The following FUT8 variants were observed in gnomAD, a reference collection of about 807,000 sequenced individuals.
FUT8 encodes the protein fucosyltransferase 8, also known as alpha-(1,6)-fucosyltransferase.
FUT8 carries 29 observed loss-of-function variants against 71.3 expected under a neutral mutation model. That is an observed-to-expected ratio of 0.41 (90% CI 0.30 to 0.55). FUT8 has a LOEUF of 0.55. Ranked by LOEUF, FUT8 falls within the 20% of genes least tolerant of loss-of-function variation. FUT8 has a pLI of 0.34. For missense variants in FUT8, 544 were observed against 702.1 expected (o/e 0.77, Z 2.55); for synonymous variants, 254 against 239.3 (o/e 1.06, Z -0.57).
At chr14:65,683,730 A>G (rs58248738) in intron 7 of FUT8, among the ~76,000 whole-genome samples, 1 of 152,148 alleles carries the variant, frequency 6.6e-6, no homozygotes, top group Non-Finnish European at 1.5e-5. Flanking sequence ...GACACCAAAA[A>G]TAAAAGCAGA....
the FUT8 span, among the ~76,000 whole-genome samples, chr14:65,385,260 C>T: frequency 6.6e-6 from 1 of 152,092 alleles, no homozygotes; most frequent in Non-Finnish European, 1.5e-5. Context: ...CTCACTGATC[C>T]TGGCAAGGGT....
chr14:65,414,026 G>A (rs1428252235), intron 1 of FUT8, among the ~76,000 whole-genome samples: 1 of 152,040 alleles, frequency 6.6e-6, no homozygotes, highest in East Asian at 1.9e-4. Flanking sequence ...ATAGATTGAG[G>A]CCTTGGTTAA....
chr14:65,366,706 C>T, the FUT8 span, among the ~76,000 whole-genome samples: 4 of 152,104 alleles, frequency 2.6e-5, no homozygotes, highest in Admixed American at 1.3e-4. Context: ...ATCTTAGAGC[C>T]CTGGGAAATG....
chr14:65,605,951 C>A (rs1888561216), intron 3 of FUT8, among the ~76,000 whole-genome samples: 1 of 151,746 alleles, frequency 6.6e-6, no homozygotes, highest in South Asian at 2.1e-4. Flanking sequence ...TTGCCTTTTT[C>A]TTACAGATTT....
At chr14:65,532,951 G>T (rs1334341740) in intron 2 of FUT8, among the ~76,000 whole-genome samples, 1 of 152,118 alleles carries the variant, frequency 6.6e-6, no homozygotes, top group Non-Finnish European at 1.5e-5. Context: ...TTGTAGATAT[G>T]CAGTCTTATT....
chr14:65,412,151 G>C (rs2065137786), upstream of FUT8: 2 of 456,610 alleles, frequency 4.4e-6, no homozygotes, highest in Admixed American at 4.7e-5. Flanking sequence ...TTCTCTTCGA[G>C]TGAATGTGGA....
At chr14:65,390,264 A>C in the FUT8 span, among the ~76,000 whole-genome samples, 1 of 150,376 alleles carries the variant, frequency 6.6e-6, no homozygotes, top group Non-Finnish European at 1.5e-5. Context: ...TGGAGGTTGC[A>C]TTGAGCTGAG....
intron 1 of FUT8, among the ~76,000 whole-genome samples, chr14:65,452,541 T>TG (rs918440107): frequency 2.0e-5 from 3 of 152,096 alleles, no homozygotes; most frequent in African/African-American, 4.8e-5. Flanking sequence ...GCTGGGAGAT[T>TG]GGGGGGCCAA....
At chr14:65,545,832 T>G (rs1416940772) in intron 2 of FUT8, among the ~76,000 whole-genome samples, 2 of 151,834 alleles carry the variant, frequency 1.3e-5, no homozygotes, top group African/African-American at 2.4e-5. Context: ...TGATTCTTAT[T>G]GTCTGAAATT....
chr14:65,515,541 CTA>C (rs1882657632), intron 2 of FUT8, among the ~76,000 whole-genome samples: 1 of 151,356 alleles, frequency 6.6e-6, no homozygotes, highest in South Asian at 2.1e-4. Flanking sequence ...ATTGTAAAAT[CTA>C]CTGAAAATTT....
intron 2 of FUT8, among the ~76,000 whole-genome samples, chr14:65,523,814 C>A (rs1873309588): frequency 6.6e-6 from 1 of 152,160 alleles, no homozygotes; most frequent in Non-Finnish European, 1.5e-5. Flanking sequence ...TTCCCAGCAC[C>A]ATTTATTAAA....
At chr14:65,512,544 T>G (rs951351671) in intron 2 of FUT8, among the ~76,000 whole-genome samples, 1 of 152,176 alleles carries the variant, frequency 6.6e-6, no homozygotes, top group African/African-American at 2.4e-5. Context: ...TGCATGACTT[T>G]ACTTTGTATG....
rs79552627 is a variant in FUT8 at position 65,482,862 on chromosome 14, G to T, written c.-228+27144G>T. ...CACTGCAGAGAAGTTTTGCTTGTTC[G>T]TTTCTGTGTACTTGCTTAGTGGACT... On this transcript the variant is annotated intron_variant, in intron 2 of 10. Transcript: ENST00000673929. Among the ~76,000 whole-genome samples the T allele has an allele frequency of 5.7e-3, 872 of 152,182 alleles. 31 individuals are homozygous for T. In the East Asian group the frequency reaches 0.093, roughly 16 times the overall value.
At chr14:65,506,974 C>T (rs2066745883) in intron 2 of FUT8, among the ~76,000 whole-genome samples, 1 of 152,194 alleles carries the variant, frequency 6.6e-6, no homozygotes, top group African/African-American at 2.4e-5. Context: ...TGTTTACAGA[C>T]TCCCTGGAGG....
chr14:65,462,022 CA>C (rs1306324491), intron 2 of FUT8, among the ~76,000 whole-genome samples: 1 of 152,112 alleles, frequency 6.6e-6, no homozygotes, highest in Non-Finnish European at 1.5e-5. Context: ...GGGTTTGTTT[CA>C]ATTTCCTCAT....
rs191458519 is a variant in FUT8, at chr14:65,479,976, A to G, written c.-228+24258A>G. Among the ~76,000 whole-genome samples, 257 of 151,894 alleles carry G rather than the reference A, an allele frequency of 1.7e-3. 3 individuals carry two copies. Among genetic ancestry groups the G allele is most frequent in the Non-Finnish European group, 4.6e-4 (31 of 67,906 alleles). ...ATTTTCTTACATGAAGAAACCAAATATTTTGCTGCTATCCTTTGGAAACTT... is the reference window on the plus strand; with the variant it reads ...ATTTTCTTACATGAAGAAACCAAATGTTTTGCTGCTATCCTTTGGAAACTT... On this transcript the variant is annotated intron_variant, in intron 2 of 10. Transcript: ENST00000673929.
At chr14:65,545,984 T>C (rs1884965558) in intron 2 of FUT8, among the ~76,000 whole-genome samples, 1 of 151,898 alleles carries the variant, frequency 6.6e-6, no homozygotes, top group African/African-American at 2.4e-5. Context: ...GAAACTTAAA[T>C]GCAAGGACAT....
In FUT8 at chr14:65,413,809, T is replaced by G. The variant is rs2065178674; in HGVS notation, c.-326+595T>G. Among the ~76,000 whole-genome samples, 1 of 152,158 alleles carries G rather than the reference T, an allele frequency of 6.6e-6. No individual in the cohort carries two copies. The highest frequency in any genetic ancestry group is 1.9e-4 in the East Asian group (1 of 5,196). ...GAGCTGGCGGCTTTTGAGTATCAACTTATTTGGGAAGGTTAAATGAGTCCA... is the reference window on the plus strand; with the variant it reads ...GAGCTGGCGGCTTTTGAGTATCAACGTATTTGGGAAGGTTAAATGAGTCCA... On this transcript the variant is annotated intron_variant, in intron 1 of 10. Coordinates refer to ENST00000673929, the MANE Select transcript of FUT8 (RefSeq NM_001371533.1). This position sits in a 1 kb window ranked among gnomAD's most constrained non-coding sequence, Gnocchi z 4.1.
At chr14:65,387,565 C>A in the FUT8 span, among the ~76,000 whole-genome samples, 1 of 152,218 alleles carries the variant, frequency 6.6e-6, no homozygotes, top group South Asian at 2.1e-4. Context: ...TGGTAACAGG[C>A]ACAGTTATCA....
Sources: allele counts gnomAD v4.1 joint callset (sites outside exome capture counted in the v4.1 genomes callset), GRCh38; gene constraint gnomAD v4.1.1; non-coding constraint Gnocchi (gnomAD v3.1); transcripts MANE v1.5; gene names NCBI Gene and HGNC (gene_info 2026-07-23, HGNC 2026-07-21).